The following MESP2 variants were observed in gnomAD, a reference collection of about 807,000 sequenced individuals.
MESP2 encodes the protein mesoderm posterior protein 2.
MESP2 carries 34 observed loss-of-function variants against 37.8 expected under a neutral mutation model. The observed-to-expected ratio is 0.90, with a 90% CI of 0.68 to 1.20. MESP2 has a LOEUF of 1.20. Ranked by LOEUF, MESP2 falls within the 50% of genes most tolerant of loss-of-function variation. The pLI is 0.00. For synonymous variants in MESP2, 303 were observed against 251.6 expected (o/e 1.20, Z -1.93); for missense variants, 646 against 545.3 (o/e 1.18, Z -1.84).
At position 89,778,407 on chromosome 15, in the gene MESP2, T is replaced by C. The variant is rs527993697; in HGVS notation, c.*73T>C. On this transcript the variant is annotated 3_prime_UTR_variant, in exon 2 of 2. Transcript: ENST00000341735. The stretch of plus-strand genomic sequence containing the variant: ...GGGTGCCTCCTTATTTGTTAATTAG[T>C]GGCTTTTCATGTTCTCCTTTAGCCA... The C allele has an allele frequency of 1.2e-4, 188 of 1,563,116 alleles. No homozygotes were observed. In the African/African-American group the frequency reaches 2.3e-3, roughly 19 times the overall value.
In MESP2 at chr15:89,777,509, C is replaced by T. The variant is rs558721914; in HGVS notation, c.924+228C>T. On this transcript the variant is annotated intron_variant, in intron 1 of 1. Transcript: ENST00000341735. ...GAAAGAGGGGGAGCCCGCCGACTTT[C>T]TCAGAGGGTGGAAAGTAGCAGGGTG... Among the ~76,000 whole-genome samples, 4 of 152,226 alleles carry T rather than the reference C, an allele frequency of 2.6e-5. No homozygotes were observed. In the East Asian group the frequency reaches 7.7e-4, roughly 29 times the overall value.
At position 89,776,714 on chromosome 15, in the gene MESP2, G is replaced by T; in HGVS notation, c.357G>T (p.Leu119=). 1.9e-6 allele frequency: 3 copies of T among 1,562,758 alleles called. No homozygotes were observed. Among genetic ancestry groups the T allele is most frequent in the South Asian group, 1.2e-5 (1 of 84,954 alleles). The part of the protein sequence containing the change: ...PPSLAPAGQS[L]TKIETLRLAI... ...CCTTGGCGCCGGCCGGCCAGAGCCT[G>T]ACCAAGATCGAGACGCTGCGCCTGG... The change falls in exon 1 of 2, where the codon CTG becomes CTT. Residue 119 remains leucine (L), a synonymous_variant. Transcript: ENST00000341735.
chr15:89,776,605 G>A lies in MESP2; in HGVS notation c.248G>A (p.Arg83Gln), dbSNP rs986299993. ...RARTGPAGGQ[R>Q]QSASEREKLR... is the part of the protein sequence containing the mutation. ...CGCACCGGACCAGCGGGCGGACAGC[G>A]GCAGAGCGCCAGCGAGCGGGAGAAA... Residue 83 changes from arginine (R) to glutamine (Q), a missense_variant, in exon 1 of 2, where the codon CGG becomes CAG. Coordinates refer to ENST00000341735, the MANE Select transcript of MESP2 (RefSeq NM_001039958.2). 1.3e-6 allele frequency: 2 copies of A among 1,522,214 alleles called. No individual in the cohort carries two copies. The highest frequency in any genetic ancestry group is 1.7e-4 in the Middle Eastern group (1 of 5,834). The allele number at this position is 1,522,214 out of a possible 1,614,324, so 94.3% of individuals were successfully genotyped here.
At position 89,776,860 on chromosome 15, in the gene MESP2, G is replaced by T. The variant is rs1210363760; in HGVS notation, c.503G>T (p.Arg168Leu). 1.4e-6 allele frequency: 2 copies of T among 1,458,636 alleles called. No homozygotes were observed. The highest frequency in any genetic ancestry group is 1.5e-5 in the African/African-American group (1 of 68,334). 90.4% of individuals were successfully genotyped at this position (1,458,636 alleles called of 1,614,324 possible). The change falls in exon 1 of 2, where the codon CGT becomes CTT. Residue 168 changes from arginine (R) to leucine (L), a missense_variant. Transcript: ENST00000341735. ...SPWGCPLCPD[R>L]GPAEAQTQAE... ...TGGGGCTGCCCGCTGTGCCCCGACC[G>T]TGGCCCCGCAGAGGCGCAGACGCAG...
Position 89,778,086 on chromosome 15 carries a change from C to G in MESP2, c.946C>G (p.Pro316Ala). The G allele has an allele frequency of 6.2e-7, 1 of 1,613,660 alleles. No homozygotes were observed. The highest frequency in any genetic ancestry group is 8.5e-7 in the Non-Finnish European group (1 of 1,180,044). ...GCAGGGTCTCTCTGTGTCTCCAGAG[C>G]CCTGTCTGTCGCTGGGAGCTCCATC... Reference protein sequence around the residue: ...VYQGLSVSPEPCLSLGAPSLL... With the variant: ...VYQGLSVSPEACLSLGAPSLL... The change falls in exon 2 of 2, where the codon CCC (proline) becomes GCC (alanine). Residue 316 changes from proline (P) to alanine (A), a missense_variant. Coordinates refer to ENST00000341735, the MANE Select transcript of MESP2 (RefSeq NM_001039958.2).
Position 89,776,531 on chromosome 15 carries a change from C to CTGCA in MESP2, c.175_178dup (p.Ser60MetfsTer308). 6.5e-7 allele frequency: 1 copy of CTGCA among 1,532,754 alleles called. No homozygotes were observed. Among genetic ancestry groups the CTGCA allele is most frequent in the East Asian group, 2.5e-5 (1 of 40,552 alleles). The allele number at this position is 1,532,754 out of a possible 1,614,324, so 94.9% of individuals were successfully genotyped here. A position where few individuals can be genotyped will look rare whatever the true frequency, so the allele number is the denominator to read the frequency against. ...GACTCCCGCAGCCACAGCCTCCGAGCTGCAGCTCCCGAGCCGCAGAGGCAG... is the reference window on the plus strand; with the variant it reads ...GACTCCCGCAGCCACAGCCTCCGAGCTGCATGCAGCTCCCGAGCCGCAGAGGCAG... On this transcript the variant is annotated frameshift_variant, in exon 1 of 2. Coordinates refer to ENST00000341735, the MANE Select transcript of MESP2 (RefSeq NM_001039958.2). LOFTEE classifies it high-confidence loss of function.
At position 89,776,336 on chromosome 15, in the gene MESP2, T is replaced by A; in HGVS notation, c.-22T>A. 1 of 1,529,600 alleles carries A rather than the reference T, an allele frequency of 6.5e-7. No individual in the cohort carries two copies. The highest frequency in any genetic ancestry group is 8.7e-7 in the Non-Finnish European group (1 of 1,145,104). The allele number at this position is 1,529,600 out of a possible 1,614,324, so 94.8% of individuals were successfully genotyped here. The stretch of plus-strand genomic sequence containing the variant: ...AGGCCTGGAGGTGGCCAACCCAGCC[T>A]CCCAGAGCCTGCAGCCCGGCCATGG... On this transcript the variant is annotated 5_prime_UTR_variant, in exon 1 of 2. Coordinates refer to ENST00000341735, the MANE Select transcript of MESP2 (RefSeq NM_001039958.2).
chr15:89,778,416 A>G lies in MESP2; in HGVS notation c.*82A>G. ...CTTATTTGTTAATTAGTGGCTTTTC[A>G]TGTTCTCCTTTAGCCAAGGCTCCCT... On this transcript the variant is annotated 3_prime_UTR_variant, in exon 2 of 2. Coordinates refer to ENST00000341735, the MANE Select transcript of MESP2 (RefSeq NM_001039958.2). 1.3e-6 allele frequency: 2 copies of G among 1,547,994 alleles called. No individual in the cohort carries two copies. The highest frequency in any genetic ancestry group is 1.8e-6 in the Non-Finnish European group (2 of 1,126,418).
Position 89,776,999 on chromosome 15 carries a change from C to A in MESP2, c.642C>A (p.Val214=), listed in dbSNP as rs746021903. 1 of 1,572,932 alleles carries A rather than the reference C, an allele frequency of 6.4e-7. No homozygotes were observed. The highest frequency in any genetic ancestry group is 1.2e-5 in the South Asian group (1 of 86,880). Residue 214 remains valine (V), a synonymous_variant, in exon 1 of 2, where the codon GTC becomes GTA. Coordinates refer to ENST00000341735, the MANE Select transcript of MESP2 (RefSeq NM_001039958.2). ...GCAGGCCGGGCCTGGTCTCCGCCGT[C>A]CTCGCCGAGGCGTCCTGGGGATCCC... ...QGRRPGLVSA[V]LAEASWGSPS...
In MESP2 at chr15:89,778,262, C is replaced by A. The variant is rs765218369; in HGVS notation, c.1122C>A (p.Gly374=). ...AAGCAAGCCCTCCCCAGAGCTCAGG[C>A]CTGCGGTTCAGTGGCTGCCCTGAAC... The part of the protein sequence containing the change: ...LSEASPPQSS[G]LRFSGCPELW... The change falls in exon 2 of 2, where the codon GGC becomes GGA. Residue 374 remains glycine (G), a synonymous_variant. Transcript: ENST00000341735. The A allele has an allele frequency of 3.1e-6, 5 of 1,613,178 alleles. No homozygotes were observed. The highest frequency in any genetic ancestry group is 2.2e-5 in the South Asian group (2 of 91,090).
At position 89,777,029 on chromosome 15, in the gene MESP2, C is replaced by T. The variant is rs753549204; in HGVS notation, c.672C>T (p.Ser224=). ...VLAEASWGSP[S]ACPGAQAAPE... ...CCGAGGCGTCCTGGGGATCCCCGTC[C>T]GCCTGCCCCGGAGCCCAAGCCGCAC... The change falls in exon 1 of 2, where the codon TCC becomes TCT. Residue 224 remains serine (S), a synonymous_variant. Coordinates refer to ENST00000341735, the MANE Select transcript of MESP2 (RefSeq NM_001039958.2). 1 of 1,593,782 alleles carries T rather than the reference C, an allele frequency of 6.3e-7. No individual in the cohort carries two copies.
rs938410259 is a variant in MESP2, at chr15:89,778,734, A to C, written c.*400A>C. 23 of 197,130 alleles carry C rather than the reference A, an allele frequency of 1.2e-4. No individual in the cohort carries two copies. Among genetic ancestry groups the C allele is most frequent in the Admixed American group, 8.4e-4 (16 of 19,076 alleles). The allele number at this position is 197,130 out of a possible 1,614,324, so 12.2% of individuals were successfully genotyped here. On this transcript the variant is annotated 3_prime_UTR_variant, in exon 2 of 2. Coordinates refer to ENST00000341735, the MANE Select transcript of MESP2 (RefSeq NM_001039958.2). ...GATTTTTTTGTACTTAAAAAGAAAAAACACACACACACAACAAAAATTTGG... is the reference window on the plus strand; with the variant it reads ...GATTTTTTTGTACTTAAAAAGAAAACACACACACACACAACAAAAATTTGG...
At chr15:89,777,602 T>G (rs1192808576) in intron 1 of MESP2, among the ~76,000 whole-genome samples, 1 of 152,108 alleles carries the variant, frequency 6.6e-6, no homozygotes, top group Non-Finnish European at 1.5e-5. Context: ...AGGGCAGCAT[T>G]TCCTGAGTAG....
Position 89,778,340 on chromosome 15 carries a change from C to T in MESP2, c.*6C>T, listed in dbSNP as rs1968397895. ...GCCTGGGCATCTTCTACTAAATGGC[C>T]TCGGCTTCCCTCTTTCCATCCAGGA... On this transcript the variant is annotated 3_prime_UTR_variant, in exon 2 of 2. Transcript: ENST00000341735. 1 of 1,613,058 alleles carries T rather than the reference C, an allele frequency of 6.2e-7. No homozygotes were observed. Among genetic ancestry groups the T allele is most frequent in the Non-Finnish European group, 8.5e-7 (1 of 1,180,026 alleles).
At position 89,776,476 on chromosome 15, in the gene MESP2, C is replaced by G; in HGVS notation, c.119C>G (p.Ser40Trp). 6.5e-7 allele frequency: 1 copy of G among 1,534,204 alleles called. No homozygotes were observed. The change falls in exon 1 of 2, where the codon TCG (serine) becomes TGG (tryptophan). Residue 40 changes from serine to tryptophan, a missense_variant. Physicochemically the swap from Ser to Trp is radical, Grantham distance 177. Transcript: ENST00000341735. ...TCCCCGGCCTCCTCCTCCGATTCGT[C>G]GGGTTCGTGCCCCTGCGACGGCGCC... Reference protein sequence around the residue: ...STSPASSSDSSGSCPCDGARG... With the variant: ...STSPASSSDSWGSCPCDGARG...
chr15:89,776,449 C>T lies in MESP2; in HGVS notation c.92C>T (p.Thr31Met), dbSNP rs1243056889. Residue 31 changes from threonine (T) to methionine (M), a missense_variant, in exon 1 of 2, where the codon ACG becomes ATG. Transcript: ENST00000341735. ...GWGWAGHWDS[T>M]SPASSSDSSG... ...GGCTGGGCCGGCCACTGGGACTCCA[C>T]GTCCCCGGCCTCCTCCTCCGATTCG... The T allele has an allele frequency of 5.9e-6, 9 of 1,534,018 alleles. No individual in the cohort carries two copies. The highest frequency in any genetic ancestry group is 5.5e-5 in the African/African-American group (4 of 72,678).
rs1250855942 is a variant in MESP2 at position 89,777,005 on chromosome 15, C to G, written c.648C>G (p.Ala216=). ...RRPGLVSAVL[A]EASWGSPSAC... is the part of the protein sequence containing the mutation. ...CGGGCCTGGTCTCCGCCGTCCTCGC[C>G]GAGGCGTCCTGGGGATCCCCGTCCG... The change falls in exon 1 of 2, where the codon GCC becomes GCG. Residue 216 remains alanine (A), a synonymous_variant. Coordinates refer to ENST00000341735, the MANE Select transcript of MESP2 (RefSeq NM_001039958.2). The G allele has an allele frequency of 1.9e-6, 3 of 1,577,332 alleles. No individual in the cohort carries two copies. Among genetic ancestry groups the G allele is most frequent in the Admixed American group, 3.7e-5 (2 of 54,620 alleles).
Position 89,778,383 on chromosome 15 carries a change from G to C in MESP2, c.*49G>C. ...ATCCAGGAATCAGTCCTGTAGCTTG[G>C]GTGCCTCCTTATTTGTTAATTAGTG... On this transcript the variant is annotated 3_prime_UTR_variant, in exon 2 of 2. Coordinates refer to ENST00000341735, the MANE Select transcript of MESP2 (RefSeq NM_001039958.2). 6.2e-7 allele frequency: 1 copy of C among 1,609,648 alleles called. No homozygotes were observed. The highest frequency in any genetic ancestry group is 8.5e-7 in the Non-Finnish European group (1 of 1,177,438).
Position 89,778,315 on chromosome 15 carries a change from G to A in MESP2, c.1175G>A (p.Arg392His), listed in dbSNP as rs749691994. The A allele has an allele frequency of 1.4e-5, 23 of 1,613,116 alleles. No homozygotes were observed. The highest frequency in any genetic ancestry group is 6.7e-5 in the East Asian group (3 of 44,886). Residue 392 changes from arginine (R) to histidine (H), a missense_variant, in exon 2 of 2, where the codon CGC (arginine) becomes CAC (histidine). Coordinates refer to ENST00000341735, the MANE Select transcript of MESP2 (RefSeq NM_001039958.2). ...ELWQEDLEGA[R>H]LGIFY ...TGGCAAGAAGATCTGGAGGGGGCCC[G>A]CCTGGGCATCTTCTACTAAATGGCC...
Sources: gnomAD v4.1 joint callset for allele counts (sites outside exome capture counted in the v4.1 genomes callset) on GRCh38, gnomAD v4.1.1 for gene constraint, MANE v1.5 for transcripts, NCBI Gene and HGNC (gene_info 2026-07-23, HGNC 2026-07-21) for gene names.